Variants in ABTB2 observed in about 807,000 individuals in gnomAD.
ABTB2 encodes ankyrin repeat and BTB/POZ domain-containing protein 2.
A neutral mutation model predicts 104.1 loss-of-function variants in ABTB2; 56 were observed. That is an observed-to-expected ratio of 0.54 (90% CI 0.43 to 0.67). The LOEUF is 0.67. Among genes scored for constraint, ABTB2 ranks in the 30% least tolerant of loss-of-function variants. The probability of loss-of-function intolerance (pLI) is 0.00; values close to 1 mark genes in which losing one functional copy is unlikely to be tolerated. For missense variants in ABTB2, 1,279 were observed against 1,407.7 expected (o/e 0.91, Z 1.46); for synonymous variants, 606 against 608.2 (o/e 1.00, Z 0.05).
chr11:34,281,453 C>T (rs986962815), intron 1 of ABTB2, among the ~76,000 whole-genome samples: 10 of 152,180 alleles, frequency 6.6e-5, no homozygotes, highest in Non-Finnish European at 1.0e-4. Flanking sequence ...TCCCTTCCAC[C>T]CACTAACAGA....
chr11:34,189,274 AAGAAAAGAAAAG>A (rs1254590124), intron 3 of ABTB2: 2 of 152,162 alleles, frequency 1.3e-5, no homozygotes, highest in African/African-American at 4.8e-5. Context: ...GACTAGCCAA[AAGAAAAGAAAAG>A]AGAAAAGAAA....
intron 1 of ABTB2, among the ~76,000 whole-genome samples, chr11:34,353,723 A>C (rs1418715363): frequency 6.6e-6 from 1 of 152,238 alleles, no homozygotes; most frequent in African/African-American, 2.4e-5. Context: ...TGGTTGGAAG[A>C]CATTAAGTTT....
chr11:34,192,667 G>A (rs913950256), intron 3 of ABTB2, among the ~76,000 whole-genome samples: 1 of 152,232 alleles, frequency 6.6e-6, no homozygotes. Flanking sequence ...CTTAGCAAGC[G>A]GACCGCTCTG....
At position 34,357,681 on chromosome 11, in the gene ABTB2, C is replaced by T. The variant is rs1855484936; in HGVS notation, c.-98G>A. 4.8e-6 allele frequency: 6 copies of T among 1,262,014 alleles called. No homozygotes were observed. Among genetic ancestry groups the T allele is most frequent in the Non-Finnish European group, 6.2e-6 (6 of 972,828 alleles). 78.2% of individuals were successfully genotyped at this position (1,262,014 alleles called of 1,614,324 possible). A position where few individuals can be genotyped will look rare whatever the true frequency, so the allele number is the denominator to read the frequency against. ...AGAAACAAGCTCTAGGCCCTCCGGGCCACCCTCCTTCCTCTCTGCGTCGCG... is the reference window on the plus strand; with the variant it reads ...AGAAACAAGCTCTAGGCCCTCCGGGTCACCCTCCTTCCTCTCTGCGTCGCG... On this transcript the variant is annotated 5_prime_UTR_variant, in exon 1 of 17. Coordinates refer to ENST00000435224, the MANE Select transcript of ABTB2 (RefSeq NM_145804.3).
At position 34,173,253 on chromosome 11, in the gene ABTB2, G is replaced by A. The variant is rs916019368; in HGVS notation, c.1299C>T (p.Tyr433=). The A allele has an allele frequency of 1.4e-5, 23 of 1,611,544 alleles. No individual in the cohort carries two copies. The highest frequency in any genetic ancestry group is 2.2e-5 in the East Asian group (1 of 44,836). Residue 433 remains tyrosine (Y), a synonymous_variant, in exon 4 of 17, where the codon TAC becomes TAT. Transcript: ENST00000435224. The part of the protein sequence containing the change: ...LMEWMRVAIT[Y]AEHRRSLTVD... ...CGGTGAGGCTGCGGCGGTGCTCTGC[G>A]TAGGTGATGGCCACGCGCATCCACT...
intron 1 of ABTB2, among the ~76,000 whole-genome samples, chr11:34,327,022 C>G (rs1292386303): frequency 6.6e-6 from 1 of 152,180 alleles, no homozygotes; most frequent in Non-Finnish European, 1.5e-5. Flanking sequence ...TTGCAGTGAG[C>G]CAAGATTGCG....
In ABTB2 at chr11:34,240,531, T is replaced by G. The variant is rs539918561; in HGVS notation, c.884-35841A>C. Among the ~76,000 whole-genome samples, 24 of 152,220 alleles carry G rather than the reference T, an allele frequency of 1.6e-4. 1 individual carries two copies. Among genetic ancestry groups the G allele is most frequent in the Non-Finnish European group, 3.1e-4 (21 of 68,024 alleles). ...ATAATTGACATCTGGGTTGCTCACC[T>G]CCAGTGCCCAGTTCTATCAAGAGGC... On this transcript the variant is annotated intron_variant, in intron 1 of 16. Coordinates refer to ENST00000435224, the MANE Select transcript of ABTB2 (RefSeq NM_145804.3).
chr11:34,289,029 C>G (rs1185990508), intron 1 of ABTB2, among the ~76,000 whole-genome samples: 1 of 152,208 alleles, frequency 6.6e-6, no homozygotes, highest in Non-Finnish European at 1.5e-5. Flanking sequence ...GGCGTCAGCA[C>G]TGCCTGAAAA....
chr11:34,253,842 C>G (rs1345720625), intron 1 of ABTB2, among the ~76,000 whole-genome samples: 1 of 152,172 alleles, frequency 6.6e-6, no homozygotes, highest in Non-Finnish European at 1.5e-5. Flanking sequence ...AGGAAGGGAT[C>G]TTTCTCTGGT....
intron 1 of ABTB2, among the ~76,000 whole-genome samples, chr11:34,306,634 G>A (rs894606701): frequency 2.0e-5 from 3 of 151,948 alleles, no homozygotes; most frequent in Non-Finnish European, 4.4e-5. Flanking sequence ...TGAGGTGGGA[G>A]GATGGCTTGA....
chr11:34,159,869 C>T (rs973166473), intron 13 of ABTB2, 37 bp downstream of exon 13: 3 of 1,518,922 alleles, frequency 2.0e-6, no homozygotes, highest in Non-Finnish European at 2.7e-6. Flanking sequence ...TGCTTCTGTG[C>T]CCCTGGGCTG....
intron 1 of ABTB2, among the ~76,000 whole-genome samples, chr11:34,222,052 C>G (rs527847559): frequency 3.3e-5 from 5 of 152,116 alleles, no homozygotes; most frequent in Non-Finnish European, 7.4e-5. Context: ...TCTCAAAAAA[C>G]AAAACAAAAC....
chr11:34,176,749 T>C lies in ABTB2; in HGVS notation c.1245-3442A>G, dbSNP rs7937359. 4.9e-3 allele frequency among the ~76,000 whole-genome samples: 743 copies of C among 152,384 alleles called. 10 individuals are homozygous for C. Among genetic ancestry groups the C allele is most frequent in the African/African-American group, 0.017 (708 of 41,584 alleles). ...TATAGTGTACCCAGGTTTTCAGTTA[T>C]GGACCAAGTCATGTTTCTGCCCAGA... On this transcript the variant is annotated intron_variant, in intron 3 of 16. Transcript: ENST00000435224.
chr11:34,210,941 T>A (rs1230107765), intron 1 of ABTB2, among the ~76,000 whole-genome samples: 2 of 152,220 alleles, frequency 1.3e-5, no homozygotes, highest in Non-Finnish European at 1.5e-5. Context: ...AACCCCTTTT[T>A]AAAATTTTTT....
At chr11:34,274,498 T>G (rs1854358922) in intron 1 of ABTB2, among the ~76,000 whole-genome samples, 1 of 152,038 alleles carries the variant, frequency 6.6e-6, no homozygotes, top group Non-Finnish European at 1.5e-5. Flanking sequence ...GTTGTCTTAT[T>G]TCTGGTTATA....
rs10529537 is a variant in ABTB2, at chr11:34,214,139, A to AACACACACACACACACACACACAC, written c.884-9473_884-9450dup. Among the ~76,000 whole-genome samples the AACACACACACACACACACACACAC allele has an allele frequency of 3.7e-3, 520 of 139,224 alleles. 5 individuals are homozygous for AACACACACACACACACACACACAC. Among genetic ancestry groups the AACACACACACACACACACACACAC allele is most frequent in the African/African-American group, 0.014 (488 of 35,444 alleles). 91.3% of individuals were successfully genotyped at this position (139,224 alleles called of 152,430 possible). A position where few individuals can be genotyped will look rare whatever the true frequency, so the allele number is the denominator to read the frequency against. On this transcript the variant is annotated intron_variant, in intron 1 of 16. Coordinates refer to ENST00000435224, the MANE Select transcript of ABTB2 (RefSeq NM_145804.3). Reference sequence around the variant, plus strand: ...TTTTCTATTAAGGCAGCACATTCAAAACACACACACACACACACACACACA... The same window carrying AACACACACACACACACACACACAC: ...TTTTCTATTAAGGCAGCACATTCAAAACACACACACACACACACACACACACACACACACACACACACACACACA...
At chr11:34,168,222 G>T (rs773945158) in intron 5 of ABTB2, among the ~76,000 whole-genome samples, 6 of 152,208 alleles carry the variant, frequency 3.9e-5, no homozygotes, top group African/African-American at 7.2e-5. Flanking sequence ...CCCAGCACAG[G>T]CCGTGCAGCC....
At chr11:34,161,668 GT>G (rs973986168) in intron 10 of ABTB2, among the ~76,000 whole-genome samples, 6 of 152,192 alleles carry the variant, frequency 3.9e-5, no homozygotes, top group African/African-American at 1.2e-4. Flanking sequence ...CTGTTTTACA[GT>G]TCCCCAGCAT....
chr11:34,168,333 C>A (rs1565130371), intron 5 of ABTB2, among the ~76,000 whole-genome samples: 1 of 152,220 alleles, frequency 6.6e-6, no homozygotes, highest in African/African-American at 2.4e-5. Flanking sequence ...AAATGGGGAA[C>A]CACAGCAGTA....
Sources: allele counts gnomAD v4.1 joint callset (sites outside exome capture counted in the v4.1 genomes callset), GRCh38; gene constraint gnomAD v4.1.1; transcripts MANE v1.5; gene names NCBI Gene and HGNC (gene_info 2026-07-23, HGNC 2026-07-21).